Variants in GNG7 observed in about 807,000 individuals in gnomAD.
GNG7 encodes guanine nucleotide-binding protein G(I)/G(S)/G(O) subunit gamma-7.
Under a neutral mutation model 4.0 loss-of-function variants are expected in GNG7, and 1 was observed. That is an observed-to-expected ratio of 0.25 (90% CI 0.09 to 1.18). GNG7 has a LOEUF of 1.18. Among genes scored for constraint, GNG7 ranks in the 50% most tolerant of loss-of-function variants. GNG7 has a pLI of 0.50. For missense variants in GNG7, 86 were observed against 91.9 expected, an observed-to-expected ratio of 0.94 and a Z score of 0.26; for synonymous variants, 34 against 36.9, an observed-to-expected ratio of 0.92 and a Z score of 0.29.
intron 2 of GNG7, among the ~76,000 whole-genome samples, chr19:2,555,794 G>A (rs893892511): frequency 3.8e-4 from 58 of 152,238 alleles, no homozygotes; most frequent in South Asian, 1.9e-3. Context: ...GGGTCGGGGC[G>A]GTTGGGGCCT....
intron 2 of GNG7, among the ~76,000 whole-genome samples, chr19:2,575,093 T>C (rs534911225): frequency 7.3e-5 from 11 of 151,032 alleles, no homozygotes; most frequent in South Asian, 4.2e-4. Flanking sequence ...TTCTTTCTTT[T>C]TTTTTTTTTT....
chr19:2,677,399 G>A (rs1568282297), intron 1 of GNG7, among the ~76,000 whole-genome samples: 1 of 152,088 alleles, frequency 6.6e-6, no homozygotes, highest in South Asian at 2.1e-4. Context: ...AGTGGGTGGA[G>A]GCCAGGGATG....
chr19:2,678,799 C>A (rs1983658198), intron 1 of GNG7, among the ~76,000 whole-genome samples: 1 of 152,068 alleles, frequency 6.6e-6, no homozygotes, highest in Non-Finnish European at 1.5e-5. Context: ...GGTCTACACC[C>A]CATGCCAACA....
intron 1 of GNG7, among the ~76,000 whole-genome samples, chr19:2,697,327 A>G (rs2144916725): frequency 6.6e-6 from 1 of 152,282 alleles, no homozygotes; most frequent in East Asian, 1.9e-4. Context: ...CCCACCGCCC[A>G]TCCGTGTCAG....
Position 2,512,520 on chromosome 19 carries a change from C to T in GNG7, c.*2502G>A. 3.8e-6 allele frequency: 1 copy of T among 262,646 alleles called. No individual in the cohort carries two copies. The highest frequency in any genetic ancestry group is 5.9e-6 in the Non-Finnish European group (1 of 169,028). The allele number at this position is 262,646 out of a possible 1,614,324, so 16.3% of individuals were successfully genotyped here. A position where few individuals can be genotyped will look rare whatever the true frequency, so the allele number is the denominator to read the frequency against. ...AAGGAGAGGCCAGCCTGTCCTTCCCCTCCCCGAGCCTCAGTTTACCTGGAA... is the reference window on the plus strand; with the variant it reads ...AAGGAGAGGCCAGCCTGTCCTTCCCTTCCCCGAGCCTCAGTTTACCTGGAA... On this transcript the variant is annotated 3_prime_UTR_variant, in exon 5 of 5. Coordinates refer to ENST00000382159, the MANE Select transcript of GNG7 (RefSeq NM_052847.3). The surrounding 1 kb of genome is among the most constrained non-coding windows in gnomAD (Gnocchi z 4.7).
chr19:2,588,579 TCA>T (rs1980747202), intron 2 of GNG7, among the ~76,000 whole-genome samples: 1 of 152,212 alleles, frequency 6.6e-6, no homozygotes, highest in South Asian at 2.1e-4. Flanking sequence ...CTTTCTCCCG[TCA>T]GTCAGGGGCC....
At chr19:2,698,187 A>G (rs1244279607) in intron 1 of GNG7, among the ~76,000 whole-genome samples, 1 of 151,628 alleles carries the variant, frequency 6.6e-6, no homozygotes, top group Non-Finnish European at 1.5e-5. Context: ...GAATGGCTTG[A>G]ACCCAGGAGG....
intron 4 of GNG7, chr19:2,516,845 C>T (rs1972743109): frequency 6.6e-6 from 1 of 152,474 alleles, no homozygotes; most frequent in African/African-American, 2.4e-5. Context: ...AGGAGGGACC[C>T]CCTGCCCCGG....
At chr19:2,660,195 G>A (rs1983110514) in intron 1 of GNG7, among the ~76,000 whole-genome samples, 1 of 152,208 alleles carries the variant, frequency 6.6e-6, no homozygotes, top group East Asian at 1.9e-4. Flanking sequence ...AGCATATTCT[G>A]GAGATGATTA....
intron 3 of GNG7, among the ~76,000 whole-genome samples, chr19:2,534,268 C>T (rs1978673137): frequency 6.6e-6 from 1 of 152,140 alleles, no homozygotes; most frequent in African/African-American, 2.4e-5. Context: ...TGCTCTGCAG[C>T]CTCAGGCAGA....
intron 3 of GNG7, among the ~76,000 whole-genome samples, chr19:2,531,289 G>A (rs188821707): frequency 7.4e-5 from 9 of 121,898 alleles, no homozygotes; most frequent in Non-Finnish European, 1.1e-4. Flanking sequence ...TGGCAGCTGA[G>A]TGAGATTCCG....
intron 2 of GNG7, among the ~76,000 whole-genome samples, chr19:2,621,859 G>T (rs919204369): frequency 2.0e-5 from 3 of 152,132 alleles, no homozygotes; most frequent in African/African-American, 7.2e-5. Context: ...GTAGCGCCCA[G>T]GGGAGCACAG....
At chr19:2,593,496 C>T (rs977786116) in intron 2 of GNG7, among the ~76,000 whole-genome samples, 1 of 152,116 alleles carries the variant, frequency 6.6e-6, no homozygotes, top group Non-Finnish European at 1.5e-5. Context: ...GTAATCCCAG[C>T]ACTTTGGGAG....
chr19:2,575,608 C>A (rs1980292294), intron 2 of GNG7, among the ~76,000 whole-genome samples: 2 of 145,214 alleles, frequency 1.4e-5, no homozygotes, highest in African/African-American at 2.6e-5. Context: ...CAGGCACACG[C>A]AGGCACACAC....
In GNG7 at chr19:2,633,523, A is replaced by ACACG. The variant is rs1982226789; in HGVS notation, c.-78+12700_-78+12701insCGTG. ...CACACACACACACACACACACACACACGAGAGGTGGCTGTGGTCTGCACAC... is the reference window on the plus strand; with the variant it reads ...CACACACACACACACACACACACACACACGCGAGAGGTGGCTGTGGTCTGCACAC... On this transcript the variant is annotated intron_variant, in intron 2 of 4. Transcript: ENST00000382159. This position sits in a 1 kb window ranked among gnomAD's most constrained non-coding sequence, Gnocchi z 5.9. Among the ~76,000 whole-genome samples, 1 of 148,266 alleles carries ACACG rather than the reference A, an allele frequency of 6.7e-6. No individual in the cohort carries two copies. The highest frequency in any genetic ancestry group is 1.5e-5 in the Non-Finnish European group (1 of 67,020).
chr19:2,520,857 C>T (rs1243725812), intron 3 of GNG7, 132 bp from the exon 4 acceptor site: 1 of 577,574 alleles, frequency 1.7e-6, no homozygotes, highest in African/African-American at 1.9e-5. Context: ...GGACCAGGGG[C>T]CTCCGTGTAC....
chr19:2,621,209 G>A (rs1038366002), intron 2 of GNG7, among the ~76,000 whole-genome samples: 4 of 152,092 alleles, frequency 2.6e-5, no homozygotes, highest in African/African-American at 7.2e-5. Context: ...TGACTGTTAC[G>A]GACTAATTGC....
chr19:2,514,022 C>G lies in GNG7; in HGVS notation c.*1000G>C, dbSNP rs1972692007. 1 of 152,212 alleles carries G rather than the reference C, an allele frequency of 6.6e-6. No individual in the cohort carries two copies. Among genetic ancestry groups the G allele is most frequent in the South Asian group, 2.1e-4 (1 of 4,840 alleles). The allele number at this position is 152,212 out of a possible 1,614,324, so 9.4% of individuals were successfully genotyped here. On this transcript the variant is annotated 3_prime_UTR_variant, in exon 5 of 5. Coordinates refer to ENST00000382159, the MANE Select transcript of GNG7 (RefSeq NM_052847.3). ...GAGCGGCCTGGCCAATACGGTGAAA[C>G]CCCGTCTCTACTAAAAATACAACAA...
At position 2,546,323 on chromosome 19, in the gene GNG7, G is replaced by C. The variant is rs1169239621; in HGVS notation, c.-38+8826C>G. On this transcript the variant is annotated intron_variant, in intron 3 of 4. Coordinates refer to ENST00000382159, the MANE Select transcript of GNG7 (RefSeq NM_052847.3). This position sits in a 1 kb window ranked among gnomAD's most constrained non-coding sequence, Gnocchi z 6.3. ...ACCCTGCACCTGCAGCCTCTCCAGG[G>C]CCAGGTCGCCCAGCAGGGCCTGGGA... Among the ~76,000 whole-genome samples the C allele has an allele frequency of 6.6e-6, 1 of 152,260 alleles. No homozygotes were observed. Among genetic ancestry groups the C allele is most frequent in the Middle Eastern group, 3.2e-3 (1 of 316 alleles).
Sources: gnomAD v4.1 joint callset for allele counts (sites outside exome capture counted in the v4.1 genomes callset) on GRCh38, gnomAD v4.1.1 for gene constraint, Gnocchi (gnomAD v3.1) non-coding constraint, MANE v1.5 for transcripts, NCBI Gene and HGNC (gene_info 2026-07-23, HGNC 2026-07-21) for gene names.